ABCC6: variants seen among roughly 807,000 people sequenced by gnomAD.
The protein encoded by ABCC6 is ATP binding cassette subfamily C member 6, also known as ATP-binding cassette sub-family C member 6.
In ABCC6, 126 loss-of-function variants were observed where a neutral mutation model predicts 169.5. That is an observed-to-expected ratio of 0.74 (90% CI 0.64 to 0.86). ABCC6 has a LOEUF of 0.86. Among genes scored for constraint, ABCC6 ranks in the 40% least tolerant of loss-of-function variants. The probability of loss-of-function intolerance (pLI) is 0.00; values close to 1 mark genes in which losing one functional copy is unlikely to be tolerated. For missense variants in ABCC6, 1,733 were observed against 1,927.2 expected (o/e 0.90, Z 1.89); for synonymous variants, 752 against 814.7 (o/e 0.92, Z 1.31).
At chr16:16,197,898 C>G (rs1021864805) in intron 10 of ABCC6, 123 bp downstream of exon 10, 3 of 1,178,844 alleles carry the variant, frequency 2.5e-6, no homozygotes, top group East Asian at 5.2e-5. Context: ...GGGGTCACAG[C>G]GGACCTCTTC....
Position 16,214,360 on chromosome 16 carries a change from A to G in ABCC6, c.564T>C (p.Asp188=). The G allele has an allele frequency of 6.4e-7, 1 of 1,550,936 alleles. No individual in the cohort carries two copies. Among genetic ancestry groups the G allele is most frequent in the East Asian group, 2.4e-5 (1 of 40,854 alleles). The change falls in exon 5 of 31, where the codon GAT becomes GAC. Residue 188 remains aspartate (D), a synonymous_variant. Coordinates refer to ENST00000205557, the MANE Select transcript of ABCC6 (RefSeq NM_001171.6). Reference sequence around the variant, plus strand: ...GGTCTTCAGGGAAGAAGGGGGGTTGATCCGCCAGGCAGGACAGCACAAACT... The same window carrying G: ...GGTCTTCAGGGAAGAAGGGGGGTTGGTCCGCCAGGCAGGACAGCACAAACT... ...VAQFVLSCLA[D]QPPFFPEDPQ...
At chr16:16,189,204 C>T (rs752499683) in intron 12 of ABCC6, among the ~76,000 whole-genome samples, 27 of 152,298 alleles carry the variant, frequency 1.8e-4, no homozygotes, top group African/African-American at 2.9e-4. Context: ...GTGATGAGTG[C>T]GCAGCCCCAC....
In ABCC6 at chr16:16,149,918, G is replaced by A. The variant is rs2046341048; in HGVS notation, c.*215C>T. On this transcript the variant is annotated 3_prime_UTR_variant, in exon 31 of 31. Transcript: ENST00000205557. ...GGCTGCAGGGTGGACAGGGCGAGAT[G>A]GGCCCTGCCCGGGCAGACCTGTGTA... 8 of 689,030 alleles carry A rather than the reference G, an allele frequency of 1.2e-5. No homozygotes were observed. Among genetic ancestry groups the A allele is most frequent in the Middle Eastern group, 4.0e-4 (1 of 2,522 alleles). 42.7% of individuals were successfully genotyped at this position (689,030 alleles called of 1,614,324 possible).
intron 27 of ABCC6, among the ~76,000 whole-genome samples, chr16:16,156,335 T>C (rs1224591300): frequency 6.6e-6 from 1 of 152,198 alleles, no homozygotes; most frequent in Non-Finnish European, 1.5e-5. Context: ...GAGGAAGGGA[T>C]ACTTGCATGG....
At chr16:16,182,775 C>T (rs1453342264) in intron 16 of ABCC6, 29 bp downstream of exon 16, 1 of 1,613,480 alleles carries the variant, frequency 6.2e-7, no homozygotes, top group African/African-American at 1.3e-5. Context: ...ATGGGGACAT[C>T]CTAGCAGACA....
intron 23 of ABCC6, among the ~76,000 whole-genome samples, chr16:16,164,045 G>A (rs2152225920): frequency 6.6e-6 from 1 of 152,132 alleles, no homozygotes; most frequent in Non-Finnish European, 1.5e-5. Context: ...TTTGTTGTTT[G>A]TTTTTTGAGA....
At chr16:16,175,805 A>T in intron 20 of ABCC6, 106 bp downstream of exon 20, 1 of 1,286,126 alleles carries the variant, frequency 7.8e-7, no homozygotes, top group South Asian at 1.2e-5. Context: ...TTCTCTATCC[A>T]TAATGGTTTT....
At chr16:16,173,651 A>G (rs1482151303) in intron 20 of ABCC6, among the ~76,000 whole-genome samples, 1 of 151,616 alleles carries the variant, frequency 6.6e-6, no homozygotes, top group Non-Finnish European at 1.5e-5. Context: ...AATTCACAGG[A>G]TGAACTTAAC....
In ABCC6 at chr16:16,157,656, C is replaced by G. The variant is rs2046592170; in HGVS notation, c.3882+7G>C. ...CATGAAGAAGACATTGTGAGAGAAC[C>G]ACTCACCTTCTCTCCTGCGTGGATC... On this transcript the variant is annotated splice_region_variant and intron_variant, in intron 27 of 30. Coordinates refer to ENST00000205557, the MANE Select transcript of ABCC6 (RefSeq NM_001171.6). 7 of 1,614,064 alleles carry G rather than the reference C, an allele frequency of 4.3e-6. No individual in the cohort carries two copies. The East Asian group carries it at 1.6e-4, about 36-fold the overall frequency.
intron 22 of ABCC6, among the ~76,000 whole-genome samples, chr16:16,168,395 A>AG (rs1472261243): frequency 1.3e-5 from 1 of 79,470 alleles, no homozygotes; most frequent in Non-Finnish European, 2.9e-5. Flanking sequence ...CTGAGGTGGG[A>AG]GGATTGCTTG....
chr16:16,163,244 G>A, intron 23 of ABCC6, 52 bp from the exon 24 acceptor site: 1 of 1,563,020 alleles, frequency 6.4e-7, no homozygotes, highest in South Asian at 1.1e-5. Context: ...ACATAGAGAG[G>A]TAGTTTCCAG....
intron 10 of ABCC6, among the ~76,000 whole-genome samples, chr16:16,195,287 T>G (rs1433366888): frequency 6.6e-6 from 1 of 151,008 alleles, no homozygotes; most frequent in African/African-American, 2.4e-5. Flanking sequence ...TATGGATATC[T>G]TGTTGGTCTC....
At chr16:16,188,003 G>A (rs978624089) in intron 13 of ABCC6, among the ~76,000 whole-genome samples, 15 of 152,052 alleles carry the variant, frequency 9.9e-5, no homozygotes, top group African/African-American at 3.6e-4. Context: ...AGGCTGAGGC[G>A]GGCTTATTAC....
chr16:16,210,299 G>T (rs1389919417), intron 6 of ABCC6, among the ~76,000 whole-genome samples: 1 of 151,792 alleles, frequency 6.6e-6, no homozygotes, highest in Non-Finnish European at 1.5e-5. Flanking sequence ...ACCACACCTG[G>T]CTAATTTTTA....
chr16:16,173,158 TA>T, intron 21 of ABCC6, 125 bp downstream of exon 21: 1 of 1,273,036 alleles, frequency 7.9e-7, no homozygotes, highest in Non-Finnish European at 1.1e-6. Flanking sequence ...TCTAGAATGC[TA>T]CTGGCACATA....
rs1266206916 is a variant in ABCC6 at position 16,182,590 on chromosome 16, T to A, written c.2071-2A>T. The A allele has an allele frequency of 2.5e-6, 4 of 1,611,454 alleles. No homozygotes were observed. Among genetic ancestry groups the A allele is most frequent in the Non-Finnish European group, 3.4e-6 (4 of 1,178,172 alleles). On this transcript the variant is annotated splice_acceptor_variant, in intron 16 of 30. Coordinates refer to ENST00000205557, the MANE Select transcript of ABCC6 (RefSeq NM_001171.6). LOFTEE classifies it high-confidence loss of function. ...CTGGGGCACGTAGGCCACAGCACCCTAAAACACAACTTACTTTGGTCACAG... is the reference window on the plus strand; with the variant it reads ...CTGGGGCACGTAGGCCACAGCACCCAAAAACACAACTTACTTTGGTCACAG...
At chr16:16,200,510 G>A (rs1186520086) in intron 9 of ABCC6, among the ~76,000 whole-genome samples, 2 of 147,878 alleles carry the variant, frequency 1.4e-5, no homozygotes, top group African/African-American at 4.9e-5. Context: ...GCCTCCTGGC[G>A]TGTGGGTGGG....
In ABCC6 at chr16:16,214,950, A is replaced by G. The variant is rs532573841; in HGVS notation, c.475-501T>C. On this transcript the variant is annotated intron_variant, in intron 4 of 30. Coordinates refer to ENST00000205557, the MANE Select transcript of ABCC6 (RefSeq NM_001171.6). ...ATACCCAATTTATAATATTCTGTCTATACAAATGGTGGGCCAGGGCTGCGT... is the reference window on the plus strand; with the variant it reads ...ATACCCAATTTATAATATTCTGTCTGTACAAATGGTGGGCCAGGGCTGCGT... Among the ~76,000 whole-genome samples the G allele has an allele frequency of 5.9e-5, 9 of 152,278 alleles. No individual in the cohort carries two copies. The East Asian group carries it at 1.2e-3, about 20-fold the overall frequency.
intron 5 of ABCC6, among the ~76,000 whole-genome samples, chr16:16,213,607 C>T (rs531621454): frequency 6.1e-5 from 8 of 130,936 alleles, no homozygotes; most frequent in Non-Finnish European, 1.2e-4. Context: ...GTTGCCCAGG[C>T]TGGAGTGCAA....
Sources: allele counts gnomAD v4.1 joint callset (sites outside exome capture counted in the v4.1 genomes callset), GRCh38; gene constraint gnomAD v4.1.1; transcripts MANE v1.5; gene names NCBI Gene and HGNC (gene_info 2026-07-23, HGNC 2026-07-21).